TYR: variants seen among roughly 807,000 people sequenced by gnomAD.
TYR encodes LB24-AB.
A neutral mutation model predicts 51.5 loss-of-function variants in TYR; 58 were observed. The observed-to-expected ratio is 1.13, with a 90% CI of 0.91 to 1.40. The LOEUF (loss-of-function observed/expected upper bound fraction) is 1.40. Among genes scored for constraint, TYR ranks in the 40% most tolerant of loss-of-function variants. The pLI is 0.00. For missense variants in TYR, 732 were observed against 647.4 expected (o/e 1.13, Z -1.42); for synonymous variants, 263 against 235.2 (o/e 1.12, Z -1.08).
intron 3 of TYR, among the ~76,000 whole-genome samples, chr11:89,249,784 G>A (rs1464542257): frequency 6.6e-6 from 1 of 151,960 alleles, no homozygotes; most frequent in Non-Finnish European, 1.5e-5. Context: ...ATTATATGTT[G>A]TTGAAAATGA....
chr11:89,187,004 T>C (rs1468071120), intron 1 of TYR, among the ~76,000 whole-genome samples: 1 of 152,090 alleles, frequency 6.6e-6, no homozygotes, highest in Non-Finnish European at 1.5e-5. Context: ...CTCATGAACT[T>C]TGAGAAAATA....
At chr11:89,195,786 T>G (rs981540724) in intron 2 of TYR, among the ~76,000 whole-genome samples, 1 of 152,152 alleles carries the variant, frequency 6.6e-6, no homozygotes, top group Non-Finnish European at 1.5e-5. Flanking sequence ...TAGGGGACCC[T>G]GTGCAGTGTC....
intron 3 of TYR, among the ~76,000 whole-genome samples, chr11:89,265,242 T>C (rs1381672424): frequency 6.6e-6 from 1 of 151,946 alleles, no homozygotes; most frequent in Non-Finnish European, 1.5e-5. Flanking sequence ...TGTCCAAGGA[T>C]ATATAAGTGG....
intron 2 of TYR, among the ~76,000 whole-genome samples, chr11:89,202,956 G>A (rs1174146021): frequency 3.9e-5 from 6 of 152,102 alleles, no homozygotes; most frequent in Non-Finnish European, 8.8e-5. Context: ...AGTGTAAAAG[G>A]AGTGGCCTGT....
At chr11:89,225,170 G>T (rs1943961609) in intron 2 of TYR, among the ~76,000 whole-genome samples, 1 of 151,654 alleles carries the variant, frequency 6.6e-6, no homozygotes, top group Admixed American at 6.6e-5. Flanking sequence ...AATAAAAATT[G>T]TATATATTTA....
intron 2 of TYR, among the ~76,000 whole-genome samples, chr11:89,224,300 A>C (rs1943949881): frequency 6.6e-6 from 1 of 152,166 alleles, no homozygotes; most frequent in African/African-American, 2.4e-5. Context: ...GTGCTTTTAT[A>C]CCTGCTATCA....
chr11:89,243,142 C>G (rs1305547438), intron 3 of TYR, among the ~76,000 whole-genome samples: 1 of 152,156 alleles, frequency 6.6e-6, no homozygotes, highest in African/African-American at 2.4e-5. Flanking sequence ...CCAGAGCGGG[C>G]ATGGCAAAGG....
intron 3 of TYR, among the ~76,000 whole-genome samples, chr11:89,265,134 CA>C (rs554444983): frequency 1.3e-3 from 205 of 151,952 alleles, no homozygotes; most frequent in Non-Finnish European, 2.4e-3. Context: ...GGCACAACAA[CA>C]AAAAATGATA....
chr11:89,253,903 A>G (rs1364808263), intron 3 of TYR, among the ~76,000 whole-genome samples: 1 of 151,694 alleles, frequency 6.6e-6, no homozygotes, highest in East Asian at 1.9e-4. Flanking sequence ...GTCTTGTTCC[A>G]GTTCTCAGAG....
intron 3 of TYR, among the ~76,000 whole-genome samples, chr11:89,247,091 C>T (rs769223688): frequency 2.6e-5 from 4 of 152,106 alleles, no homozygotes; most frequent in African/African-American, 7.2e-5. Context: ...GAACAAAGAG[C>T]GGTTATACCA....
At chr11:89,195,669 CATAA>C (rs71840089) in intron 2 of TYR, among the ~76,000 whole-genome samples, 31,563 of 151,288 alleles carry the variant, frequency 0.21, 4,931 homozygotes, top group African/African-American at 0.44. Flanking sequence ...AGACTCTTCC[CATAA>C]ATAAATAAAT....
At chr11:89,278,805 A>G (rs1207473488) in intron 3 of TYR, among the ~76,000 whole-genome samples, 2 of 151,704 alleles carry the variant, frequency 1.3e-5, no homozygotes, top group Non-Finnish European at 3.0e-5. Flanking sequence ...CTTCTGCTCC[A>G]GGATCCCACC....
intron 3 of TYR, among the ~76,000 whole-genome samples, chr11:89,284,403 A>C (rs1300063160): frequency 2.0e-5 from 3 of 151,816 alleles, no homozygotes; most frequent in Non-Finnish European, 2.9e-5. Context: ...ATTTAGTTTT[A>C]TACGTTCTTT....
chr11:89,271,737 T>G (rs1378168363), intron 3 of TYR, among the ~76,000 whole-genome samples: 2 of 151,956 alleles, frequency 1.3e-5, no homozygotes, highest in African/African-American at 4.8e-5. Context: ...ACAGTAGAAC[T>G]TCTTGCAAAT....
intron 3 of TYR, among the ~76,000 whole-genome samples, chr11:89,279,079 G>A (rs1184675952): frequency 2.0e-5 from 3 of 151,530 alleles, no homozygotes; most frequent in African/African-American, 7.3e-5. Flanking sequence ...ACTCAAAAAT[G>A]TACCCCAAAG....
rs573405446 is a variant in TYR, at chr11:89,266,230, G to C, written c.1185-18543G>C. 7.9e-5 allele frequency among the ~76,000 whole-genome samples: 12 copies of C among 151,932 alleles called. No individual in the cohort carries two copies. The South Asian group carries it at 2.5e-3, about 32-fold the overall frequency. On this transcript the variant is annotated intron_variant, in intron 3 of 4. Transcript: ENST00000263321. ...TGCCAATGATATTAGTGTTATTCTT[G>C]CATAAATTATTTGTGTATTGGTGTT...
At chr11:89,244,699 C>T (rs1465111999) in intron 3 of TYR, among the ~76,000 whole-genome samples, 1 of 152,190 alleles carries the variant, frequency 6.6e-6, no homozygotes, top group Non-Finnish European at 1.5e-5. Context: ...CTTCTTTGCA[C>T]ATTCCCATTC....
chr11:89,222,611 T>G (rs1358612598), intron 2 of TYR, among the ~76,000 whole-genome samples: 1 of 152,084 alleles, frequency 6.6e-6, no homozygotes, highest in Non-Finnish European at 1.5e-5. Context: ...TGCTGGCTTG[T>G]GCCTGTAATC....
At chr11:89,215,890 G>C (rs189242492) in intron 2 of TYR, among the ~76,000 whole-genome samples, 1 of 152,116 alleles carries the variant, frequency 6.6e-6, no homozygotes, top group African/African-American at 2.4e-5. Flanking sequence ...TAATATTTCT[G>C]TTCTATCTGT....
Sources: allele counts gnomAD v4.1 joint callset (sites outside exome capture counted in the v4.1 genomes callset), GRCh38; gene constraint gnomAD v4.1.1; transcripts MANE v1.5; gene names NCBI Gene and HGNC (gene_info 2026-07-23, HGNC 2026-07-21).